TRAK1: variants seen among roughly 807,000 people sequenced by gnomAD.
TRAK1 encodes the protein trafficking kinesin-binding protein 1.
Under a neutral mutation model 92.1 loss-of-function variants are expected in TRAK1, and 33 were observed. The ratio of observed to expected loss-of-function variants is 0.36; its 90% CI spans 0.27 to 0.48. The LOEUF is 0.48. Ranked by LOEUF, TRAK1 falls within the 20% of genes least tolerant of loss-of-function variation. The pLI, the probability that TRAK1 is intolerant of heterozygous loss-of-function variation, is 0.99. For synonymous variants in TRAK1, 521 were observed against 517.3 expected (o/e 1.01, Z -0.10); for missense variants, 1,123 against 1,257.9 (o/e 0.89, Z 1.62).
intron 2 of TRAK1, among the ~76,000 whole-genome samples, chr3:42,143,270 G>T (rs1576592044): frequency 1.4e-5 from 2 of 145,638 alleles, no homozygotes; most frequent in Non-Finnish European, 1.5e-5. Flanking sequence ...TCTGTGAGGT[G>T]CTAACTTGAA....
chr3:42,192,026 C>G (rs1315105046), intron 7 of TRAK1, among the ~76,000 whole-genome samples: 1 of 149,592 alleles, frequency 6.7e-6, no homozygotes, highest in Non-Finnish European at 1.5e-5. Context: ...CTTAGCCTCT[C>G]AAGTAGCTAG....
At chr3:42,196,932 T>G (rs554900803) in intron 10 of TRAK1, among the ~76,000 whole-genome samples, 35 of 151,404 alleles carry the variant, frequency 2.3e-4, no homozygotes, top group Non-Finnish European at 2.1e-4. Flanking sequence ...TAACCAGTCC[T>G]GAACTAATTT....
intron 2 of TRAK1, chr3:42,145,521 A>G (rs148535296): frequency 8.5e-5 from 13 of 152,526 alleles, no homozygotes; most frequent in African/African-American, 2.6e-4. Flanking sequence ...TTTTTGAACA[A>G]AGATCTTTGA....
At chr3:42,103,033 G>A (rs796760842) in intron 1 of TRAK1, among the ~76,000 whole-genome samples, 2 of 152,072 alleles carry the variant, frequency 1.3e-5, no homozygotes, top group African/African-American at 4.8e-5. Context: ...TAGTATGTTC[G>A]TGGGGTTGTG....
chr3:42,064,720 A>C (rs1259221663), intron 1 of TRAK1, among the ~76,000 whole-genome samples: 1 of 152,178 alleles, frequency 6.6e-6, no homozygotes, highest in Non-Finnish European at 1.5e-5. Context: ...TTACCATAGA[A>C]TAGTAAGGGT....
rs201591385 is a variant in TRAK1 at position 42,222,976 on chromosome 3, A to G, written c.2101A>G (p.Thr701Ala). The change falls in exon 16 of 16, where the codon ACC becomes GCC. Residue 701 changes from threonine to alanine, a missense_variant. Around this residue, in one of 3 missense-constraint regions of TRAK1, gnomAD observed 401 missense variants for 438.9 expected, o/e 0.91. Coordinates refer to ENST00000327628, the MANE Select transcript of TRAK1 (RefSeq NM_001042646.3). ...AGCCCCAACTCCAGCTTGTGGCAGC[A>G]CCAGCCACTTGAAATCCACGCCGGT... ...NSAPTPACGS[T>A]SHLKSTPVAT... The G allele has an allele frequency of 1.9e-6, 3 of 1,613,130 alleles. No homozygotes were observed. The highest frequency in any genetic ancestry group is 2.2e-5 in the East Asian group (1 of 44,844).
At chr3:42,119,986 A>C (rs1423354641) in intron 1 of TRAK1, among the ~76,000 whole-genome samples, 1 of 152,200 alleles carries the variant, frequency 6.6e-6, no homozygotes, top group Non-Finnish European at 1.5e-5. Flanking sequence ...GGGTCATTTG[A>C]GGTCAGGAGT....
At position 42,191,589 on chromosome 3, in the gene TRAK1, A is replaced by G. The variant is rs760748832; in HGVS notation, c.722A>G (p.Tyr241Cys). 1.2e-6 allele frequency: 2 copies of G among 1,603,432 alleles called. No homozygotes were observed. Among genetic ancestry groups the G allele is most frequent in the Admixed American group, 1.7e-5 (1 of 58,742 alleles). Residue 241 changes from tyrosine (Y) to cysteine (C), a missense_variant, in exon 7 of 16, where the codon TAT becomes TGT. Tyr to Cys is a radical substitution (Grantham distance 194, BLOSUM62 -2). Coordinates refer to ENST00000327628, the MANE Select transcript of TRAK1 (RefSeq NM_001042646.3). ...ASQLKTETITYEEKEQQLVND... is the reference protein window; with the variant it reads ...ASQLKTETITCEEKEQQLVND... ...CAGCTGAAGACAGAGACCATCACCTATGAGGAGAAGGAGCAGCAGCTGGTC... is the reference window on the plus strand; with the variant it reads ...CAGCTGAAGACAGAGACCATCACCTGTGAGGAGAAGGAGCAGCAGCTGGTC...
intron 2 of TRAK1, among the ~76,000 whole-genome samples, chr3:42,142,482 A>G (rs562755067): frequency 6.6e-6 from 1 of 152,320 alleles, no homozygotes; most frequent in African/African-American, 2.4e-5. Context: ...GTCACCTTAC[A>G]GCCCTGGGGC....
intron 1 of TRAK1, among the ~76,000 whole-genome samples, chr3:42,017,237 G>A (rs1359729622): frequency 6.6e-6 from 1 of 152,116 alleles, no homozygotes; most frequent in Non-Finnish European, 1.5e-5. Flanking sequence ...CTCCTGCCTG[G>A]GCGACAGAGT....
chr3:42,134,260 TCCTTACCTTTCCTTTCCTTTTA>T (rs1559813600), intron 2 of TRAK1, among the ~76,000 whole-genome samples: 2 of 143,940 alleles, frequency 1.4e-5, no homozygotes, highest in African/African-American at 5.1e-5. Flanking sequence ...CCTCCTTTCT[TCCTTACCTTTCCTTTCCTTTTA>T]CCTTACCTTA....
At chr3:42,025,276 C>A (rs17219278) in intron 1 of TRAK1, among the ~76,000 whole-genome samples, 1 of 152,064 alleles carries the variant, frequency 6.6e-6, no homozygotes, top group Admixed American at 6.6e-5. Context: ...ACCCTGGCAA[C>A]GAGGCACGCT....
chr3:42,057,941 T>G (rs1703265027), intron 1 of TRAK1, among the ~76,000 whole-genome samples: 1 of 152,258 alleles, frequency 6.6e-6, no homozygotes, highest in South Asian at 2.1e-4. Flanking sequence ...TAAATGCCTG[T>G]AAACCTGAAC....
Position 42,016,329 on chromosome 3 carries a change from C to G in TRAK1, c.-519+2212C>G, listed in dbSNP as rs144436316. The stretch of plus-strand genomic sequence containing the variant: ...AAGTGATTCTTTGGCCTCAGCCTCC[C>G]GAGTAGCTGGGATTGCAGGCACCTG... On this transcript the variant is annotated intron_variant, in intron 1 of 16. Coordinates refer to the TRAK1 transcript ENST00000487159. 4.0e-3 allele frequency among the ~76,000 whole-genome samples: 606 copies of G among 152,216 alleles called. 2 individuals are homozygous for G. Among genetic ancestry groups the G allele is most frequent in the African/African-American group, 0.014 (588 of 41,530 alleles).
chr3:42,149,702 G>A, intron 2 of TRAK1: 1 of 1,445,076 alleles, frequency 6.9e-7, no homozygotes, highest in Non-Finnish European at 9.3e-7. Context: ...GCGGCTGGCG[G>A]GTGGGAGGTA....
intron 1 of TRAK1, among the ~76,000 whole-genome samples, chr3:42,102,205 C>T (rs1474791025): frequency 2.6e-5 from 4 of 152,316 alleles, no homozygotes; most frequent in Middle Eastern, 3.4e-3. Flanking sequence ...AGGCTGGTCT[C>T]GAACTCCTGA....
At chr3:42,055,291 A>G (rs1265458950) in intron 1 of TRAK1, among the ~76,000 whole-genome samples, 3 of 152,134 alleles carry the variant, frequency 2.0e-5, no homozygotes, top group African/African-American at 7.2e-5. Flanking sequence ...CCCCAAAGAA[A>G]CTGCCCGTAA....
At position 42,101,526 on chromosome 3, in the gene TRAK1, G is replaced by T. The variant is rs149147945; in HGVS notation, c.91+9966G>T. On this transcript the variant is annotated intron_variant, in intron 1 of 15. Transcript: ENST00000327628. ...ATTAGCCCTGCTTGAGGAGGGGAAGGACATGACTCTTACGGCCTAGAGCAG... is the reference window on the plus strand; with the variant it reads ...ATTAGCCCTGCTTGAGGAGGGGAAGTACATGACTCTTACGGCCTAGAGCAG... Among the ~76,000 whole-genome samples the T allele has an allele frequency of 2.5e-3, 378 of 152,290 alleles. 2 individuals are homozygous for T. Among genetic ancestry groups the T allele is most frequent in the Middle Eastern group, 0.024 (7 of 294 alleles).
At position 42,203,138 on chromosome 3, in the gene TRAK1, G is replaced by A. The variant is rs1233323894; in HGVS notation, c.1744+386G>A. 3 of 1,215,804 alleles carry A rather than the reference G, an allele frequency of 2.5e-6. No individual in the cohort carries two copies. The African/African-American group carries it at 4.7e-5, about 19-fold the overall frequency. The allele number at this position is 1,215,804 out of a possible 1,614,324, so 75.3% of individuals were successfully genotyped here. On this transcript the variant is annotated intron_variant, in intron 13 of 15. Coordinates refer to ENST00000327628, the MANE Select transcript of TRAK1 (RefSeq NM_001042646.3). ...GGTGTGAGGAATGCAGAAAATTAAT[G>A]CTTTAGCTTTTCTGCAGTTTTGGTG...
Sources: gnomAD v4.1 joint callset for allele counts (sites outside exome capture counted in the v4.1 genomes callset) on GRCh38, gnomAD v4.1.1 for gene constraint, gnomAD v4.1.1 regional missense constraint, MANE v1.5 for transcripts, NCBI Gene and HGNC (gene_info 2026-07-23, HGNC 2026-07-21) for gene names.